PCNX4: variants seen among roughly 807,000 people sequenced by gnomAD.
PCNX4 encodes pecanex-like protein 4.
In PCNX4, 103 loss-of-function variants were observed where a neutral mutation model predicts 107.2. The ratio of observed to expected loss-of-function variants is 0.96; its 90% CI spans 0.82 to 1.13. The LOEUF (loss-of-function observed/expected upper bound fraction) is 1.13, where lower values mean the gene tolerates loss of function less well. Ranked by LOEUF, PCNX4 falls within the 50% of genes most tolerant of loss-of-function variation. The pLI is 0.00. For missense variants in PCNX4, 1,528 were observed against 1,379.4 expected (o/e 1.11, Z -1.71); for synonymous variants, 541 against 481.7 (o/e 1.12, Z -1.61).
chr14:60,123,504 C>CAATATTTA (rs113368227), intron 8 of PCNX4, among the ~76,000 whole-genome samples: 39,306 of 151,516 alleles, frequency 0.26, 7,467 homozygotes, highest in African/African-American at 0.54. Context: ...TATAAATAAG[C>CAATATTTA]AATATTTAAA....
Position 60,142,382 on chromosome 14 carries a change from TCTG to T in PCNX4, c.*8164_*8166del, listed in dbSNP as rs1242213188. ...AGTTGAGGAAACGAAAGCCGTCACT[TCTG>T]CTAACTCTTTTACCAACTCACCTGC... On this transcript the variant is annotated 3_prime_UTR_variant, in exon 11 of 11. Coordinates refer to ENST00000406854, the MANE Select transcript of PCNX4 (RefSeq NM_001330177.2). This position sits in a 1 kb window ranked among gnomAD's most constrained non-coding sequence, Gnocchi z 4.7. The T allele has an allele frequency of 6.6e-6, 1 of 152,230 alleles. No individual in the cohort carries two copies. Among genetic ancestry groups the T allele is most frequent in the African/African-American group, 2.4e-5 (1 of 41,460 alleles). The allele number at this position is 152,230 out of a possible 1,614,324, so 9.4% of individuals were successfully genotyped here. A position where few individuals can be genotyped will look rare whatever the true frequency, so the allele number is the denominator to read the frequency against.
chr14:60,138,297 CAGG>C lies in PCNX4; in HGVS notation c.*4079_*4081del, dbSNP rs745921427. The C allele has an allele frequency of 3.3e-5, 5 of 151,976 alleles. No homozygotes were observed. The highest frequency in any genetic ancestry group is 7.4e-5 in the Non-Finnish European group (5 of 67,996). 9.4% of individuals were successfully genotyped at this position (151,976 alleles called of 1,614,324 possible). A position where few individuals can be genotyped will look rare whatever the true frequency, so the allele number is the denominator to read the frequency against. On this transcript the variant is annotated 3_prime_UTR_variant, in exon 11 of 11. Transcript: ENST00000406854. ...TCTAACATACACGTAACTGGATTTC[CAGG>C]AGAAGAGAGAATATGGCAGAAGCAA...
intron 8 of PCNX4, 44 bp downstream of exon 8, chr14:60,121,343 G>T: frequency 6.3e-7 from 1 of 1,582,032 alleles, no homozygotes; most frequent in Non-Finnish European, 8.6e-7. Flanking sequence ...TATAGTTCAT[G>T]TGTAAAATTT....
At position 60,115,106 on chromosome 14, in the gene PCNX4, CAAAATTGGAA is replaced by C; in HGVS notation, c.1003_1012del (p.Lys335ProfsTer26). On this transcript the variant is annotated frameshift_variant, in exon 4 of 11. Transcript: ENST00000406854. LOFTEE classifies it high-confidence loss of function. Reference sequence around the variant, plus strand: ...GTCTGAACTTAAGTGATATGGGTCACAAAATTGGAACCAAATCTAAGGATTTACCCAGTGG... The same window carrying C: ...GTCTGAACTTAAGTGATATGGGTCACCCAAATCTAAGGATTTACCCAGTGG... The C allele has an allele frequency of 6.2e-7, 1 of 1,613,802 alleles. No individual in the cohort carries two copies. Among genetic ancestry groups the C allele is most frequent in the Non-Finnish European group, 8.5e-7 (1 of 1,179,850 alleles).
rs951888170 is a variant in PCNX4, at chr14:60,141,605, G to T, written c.*7384G>T. ...ATCTGAATATCCTATAACCATTAAA[G>T]AATTAAATTCATAATTTAAAATCTC... is the stretch of plus-strand genomic sequence containing the variant. On this transcript the variant is annotated 3_prime_UTR_variant, in exon 11 of 11. Coordinates refer to ENST00000406854, the MANE Select transcript of PCNX4 (RefSeq NM_001330177.2). 1.3e-5 allele frequency: 2 copies of T among 150,690 alleles called. No homozygotes were observed. The highest frequency in any genetic ancestry group is 5.0e-5 in the African/African-American group (2 of 40,328). 9.3% of individuals were successfully genotyped at this position (150,690 alleles called of 1,614,324 possible).
intron 1 of PCNX4, among the ~76,000 whole-genome samples, chr14:60,100,297 A>G (rs1329229739): frequency 1.3e-5 from 2 of 152,000 alleles, no homozygotes; most frequent in African/African-American, 4.8e-5. Context: ...CTTGTAATTA[A>G]TTTTGTTTTT....
intron 10 of PCNX4, among the ~76,000 whole-genome samples, chr14:60,132,906 TCA>T (rs1439307953): frequency 1.3e-5 from 2 of 152,092 alleles, no homozygotes; most frequent in Admixed American, 6.6e-5. Context: ...AAATAACACT[TCA>T]CACACACAGG....
intron 1 of PCNX4, among the ~76,000 whole-genome samples, chr14:60,107,084 A>T (rs551563666): frequency 6.6e-6 from 1 of 152,268 alleles, no homozygotes; most frequent in East Asian, 1.9e-4. Context: ...TATGATTTTT[A>T]AAAAAATAAA....
intron 1 of PCNX4, among the ~76,000 whole-genome samples, chr14:60,102,946 C>T (rs1342887138): frequency 2.0e-5 from 3 of 152,212 alleles, no homozygotes; most frequent in East Asian, 3.9e-4. Flanking sequence ...TTAAATGTTC[C>T]AGGATCTGTA....
intron 10 of PCNX4, among the ~76,000 whole-genome samples, chr14:60,131,011 A>G (rs1896145120): frequency 6.7e-6 from 1 of 149,194 alleles, no homozygotes; most frequent in Non-Finnish European, 1.5e-5. Context: ...AGGAAGAGGA[A>G]GAGACACCCA....
At chr14:60,098,385 C>G (rs1216272951) in intron 1 of PCNX4, among the ~76,000 whole-genome samples, 1 of 152,224 alleles carries the variant, frequency 6.6e-6, no homozygotes, top group African/African-American at 2.4e-5. Context: ...ACAAACCTGT[C>G]TTTGACTGTT....
chr14:60,115,941 G>T lies in PCNX4; in HGVS notation c.1459G>T (p.Val487Leu), dbSNP rs759715051. The change falls in exon 6 of 11, where the codon GTA becomes TTA. Residue 487 changes from valine (V) to leucine (L), a missense_variant and splice_region_variant. Physicochemically the swap from Val to Leu is conservative, Grantham distance 32. Transcript: ENST00000406854. ...CIGFTRAFRM[V>L]WQNTENALLE... ...AAAATGGATAATTTGTATACTGCAG[G>T]TATGGCAGAATACAGAAAATGCTTT... 5.0e-6 allele frequency: 8 copies of T among 1,608,596 alleles called. No homozygotes were observed. Among genetic ancestry groups the T allele is most frequent in the Non-Finnish European group, 5.9e-6 (7 of 1,176,538 alleles).
chr14:60,130,308 TATAA>T (rs1274651505), intron 10 of PCNX4, among the ~76,000 whole-genome samples: 1 of 148,592 alleles, frequency 6.7e-6, no homozygotes, highest in African/African-American at 2.5e-5. Context: ...TTTATTAATA[TATAA>T]ATATGTAATA....
intron 2 of PCNX4, among the ~76,000 whole-genome samples, chr14:60,114,446 A>G (rs144089013): frequency 6.6e-6 from 1 of 152,154 alleles, no homozygotes; most frequent in Non-Finnish European, 1.5e-5. Flanking sequence ...TCCTTTGCAC[A>G]TTTGAATTAA....
At chr14:60,121,161 CTTTTTTTTT>C (rs747483127) in intron 7 of PCNX4, 26 bp from the exon 8 acceptor site, 19 of 1,103,156 alleles carry the variant, frequency 1.7e-5, no homozygotes, top group Middle Eastern at 2.6e-4. Flanking sequence ...AAATGATTTT[CTTTTTTTTT>C]TTTTTTTTTT....
At chr14:60,114,603 A>G in intron 2 of PCNX4, 97 bp from the exon 3 acceptor site, 1 of 925,176 alleles carries the variant, frequency 1.1e-6, no homozygotes, top group African/African-American at 1.7e-5. Context: ...TTTTTTTTGG[A>G]AGGGAGTGTG....
At chr14:60,106,917 A>G (rs1439535340) in intron 1 of PCNX4, among the ~76,000 whole-genome samples, 1 of 152,198 alleles carries the variant, frequency 6.6e-6, no homozygotes, top group African/African-American at 2.4e-5. Flanking sequence ...GATAACCTAT[A>G]TTATTTTATA....
chr14:60,119,098 A>T (rs1295110202), intron 7 of PCNX4, among the ~76,000 whole-genome samples: 1 of 152,206 alleles, frequency 6.6e-6, no homozygotes, highest in African/African-American at 2.4e-5. Context: ...ACATAATATC[A>T]GCTTGAGGAG....
At chr14:60,102,619 A>G (rs558534358) in intron 1 of PCNX4, among the ~76,000 whole-genome samples, 1 of 152,344 alleles carries the variant, frequency 6.6e-6, no homozygotes, top group Non-Finnish European at 1.5e-5. Flanking sequence ...ATGTGAAGAA[A>G]GCCTATGGCT....
Sources: gnomAD v4.1 joint callset for allele counts (sites outside exome capture counted in the v4.1 genomes callset) on GRCh38, gnomAD v4.1.1 for gene constraint, Gnocchi (gnomAD v3.1) non-coding constraint, MANE v1.5 for transcripts, NCBI Gene and HGNC (gene_info 2026-07-23, HGNC 2026-07-21) for gene names.